GPM6B: variants seen among roughly 807,000 people sequenced by gnomAD.
The protein encoded by GPM6B is neuronal membrane glycoprotein M6-b.
A neutral mutation model predicts 27.2 loss-of-function variants in GPM6B; 4 were observed. That is an observed-to-expected ratio of 0.15 (90% confidence interval 0.07 to 0.34). The LOEUF is 0.34. GPM6B is among the 10% of genes least tolerant of loss of function. The pLI, the probability that GPM6B is intolerant of heterozygous loss-of-function variation, is 1.00. For synonymous variants in GPM6B, 124 were observed against 103.1 expected (o/e 1.20, Z -1.23); for missense variants, 183 against 261.9 (o/e 0.70, Z 2.08).
At chrX:13,894,037 C>T (rs906241164) in intron 1 of GPM6B, among the ~76,000 whole-genome samples, 4 of 111,900 alleles carry the variant, frequency 3.6e-5, no homozygotes, top group African/African-American at 1.3e-4. Context: ...AACTTGCTGG[C>T]GCCAGGCCTG....
chrX:13,933,454 C>T (rs1030043415), intron 1 of GPM6B, among the ~76,000 whole-genome samples: 2 of 111,991 alleles, frequency 1.8e-5, no homozygotes, highest in Non-Finnish European at 3.8e-5. Flanking sequence ...GGGTTGTAGG[C>T]TCTTTTGCAA....
At chrX:13,793,186 T>C (rs1198159401) in intron 2 of GPM6B, among the ~76,000 whole-genome samples, 1 of 111,347 alleles carries the variant, frequency 9.0e-6, no homozygotes, top group East Asian at 2.8e-4. Context: ...GATAAAACTT[T>C]GCTCTCCACA....
chrX:13,812,438 C>CG (rs1298593321), intron 1 of GPM6B, among the ~76,000 whole-genome samples: 2 of 111,684 alleles, frequency 1.8e-5, no homozygotes, highest in Non-Finnish European at 3.8e-5. Context: ...TAAAAACAGT[C>CG]GGTGTGGTCA....
At position 13,862,083 on chromosome X, in the gene GPM6B, T is replaced by C. The variant is rs1026732910; in HGVS notation, c.-198+76244A>G. Among the ~76,000 whole-genome samples the C allele has an allele frequency of 3.6e-5, 4 of 110,797 alleles. No individual in the cohort carries two copies. The South Asian group carries it at 1.2e-3, about 32-fold the overall frequency. ...TGCGTGGGTGGGGGTGCAGGGGGTG[T>C]AGTGACAGGGTCATGGATTAAGTTC... On this transcript the variant is annotated intron_variant, in intron 1 of 6. Coordinates refer to the GPM6B transcript ENST00000398361.
Position 13,772,548 on chromosome X carries a change from A to G in GPM6B, c.*333T>C, listed in dbSNP as rs189976990. The G allele has an allele frequency of 4.2e-5, 8 of 190,315 alleles. No individual in the cohort carries two copies. The highest frequency in any genetic ancestry group is 4.0e-4 in the Admixed American group (6 of 15,018). 15.7% of individuals were successfully genotyped at this position (190,315 alleles called of 1,213,427 possible). On this transcript the variant is annotated 3_prime_UTR_variant, in exon 8 of 8. Coordinates refer to ENST00000316715, the MANE Select transcript of GPM6B (RefSeq NM_001001995.3). ...CCTTATTAAGGAGTCACAGGTCCCT[A>G]TTAAGGAGTGTGACATATTCCATTG...
intron 5 of GPM6B, 53 bp downstream of exon 5, chrX:13,779,765 T>A (rs1437819996): frequency 3.0e-6 from 3 of 1,000,550 alleles, no homozygotes; most frequent in Middle Eastern, 2.8e-4. Context: ...TCCAGACATA[T>A]GCACGAGAGG....
At chrX:13,854,754 A>G (rs755489936) in intron 1 of GPM6B, among the ~76,000 whole-genome samples, 1 of 112,158 alleles carries the variant, frequency 8.9e-6, no homozygotes, top group South Asian at 3.7e-4. Context: ...TTGAAACATC[A>G]CTATGTACTC....
intron 1 of GPM6B, among the ~76,000 whole-genome samples, chrX:13,935,771 C>CTG (rs1178428163): frequency 4.5e-5 from 5 of 112,218 alleles, no homozygotes; most frequent in African/African-American, 9.7e-5. Flanking sequence ...TGTCTGTGTG[C>CTG]TGTGTGTGTG....
chrX:13,917,105 G>A (rs935380465), intron 1 of GPM6B, among the ~76,000 whole-genome samples: 1 of 111,011 alleles, frequency 9.0e-6, no homozygotes, highest in Non-Finnish European at 1.9e-5. Flanking sequence ...CCAGCTACTT[G>A]GGAGGCTGAG....
intron 1 of GPM6B, among the ~76,000 whole-genome samples, chrX:13,859,278 T>C (rs2049816040): frequency 8.9e-6 from 1 of 112,153 alleles, no homozygotes; most frequent in Non-Finnish European, 1.9e-5. Flanking sequence ...TGATCTACTT[T>C]TTGTTGCCAC....
intron 1 of GPM6B, among the ~76,000 whole-genome samples, chrX:13,921,579 C>CA (rs1391298469): frequency 5.0e-4 from 30 of 59,923 alleles, no homozygotes; most frequent in African/African-American, 1.5e-3. Flanking sequence ...ATAACCCCCC[C>CA]CCTTTTTTTT....
Position 13,825,390 on chromosome X carries a change from A to G in GPM6B, c.-197-39582T>C, listed in dbSNP as rs973169728. ...ACAGGAGTGGGTGGGATGCCAAGGC[A>G]GAAGGTACAGAGGAGAAAACCTTTC... is the stretch of plus-strand genomic sequence containing the variant. On this transcript the variant is annotated intron_variant, in intron 1 of 6. Coordinates refer to the GPM6B transcript ENST00000398361. Among the ~76,000 whole-genome samples, 6 of 112,340 alleles carry G rather than the reference A, an allele frequency of 5.3e-5. No homozygotes were observed. The South Asian group carries it at 2.2e-3, about 42-fold the overall frequency.
chrX:13,927,817 G>C (rs1921286134), intron 1 of GPM6B, among the ~76,000 whole-genome samples: 2 of 111,874 alleles, frequency 1.8e-5, no homozygotes, highest in Non-Finnish European at 3.8e-5. Flanking sequence ...GGGGATAATG[G>C]GGACACTTTA....
intron 1 of GPM6B, among the ~76,000 whole-genome samples, chrX:13,835,912 T>C (rs921917416): frequency 4.4e-5 from 5 of 112,386 alleles, no homozygotes; most frequent in African/African-American, 1.3e-4. Context: ...CCATCAGTGC[T>C]AGATGTGAAA....
chrX:13,821,756 T>C (rs967607275), upstream of GPM6B, among the ~76,000 whole-genome samples: 6 of 110,419 alleles, frequency 5.4e-5, no homozygotes, highest in Non-Finnish European at 3.8e-5. Context: ...ACCACCACCC[T>C]GGCTAATTTT....
At chrX:13,879,793 C>T (rs1056067799) in intron 1 of GPM6B, among the ~76,000 whole-genome samples, 1 of 112,168 alleles carries the variant, frequency 8.9e-6, no homozygotes, top group African/African-American at 3.2e-5. Context: ...AGCTGGAGGG[C>T]TTGTTAAAAC....
chrX:13,880,480 C>G (rs2050083702), intron 1 of GPM6B, among the ~76,000 whole-genome samples: 2 of 109,131 alleles, frequency 1.8e-5, no homozygotes, highest in African/African-American at 3.4e-5. Flanking sequence ...TTGAGACCAT[C>G]CCTGGCTAAC....
chrX:13,807,579 A>G (rs1004019316), intron 2 of GPM6B, 71 bp downstream of exon 2: 8 of 854,985 alleles, frequency 9.4e-6, no homozygotes, highest in Non-Finnish European at 1.3e-5. Flanking sequence ...CCAAGCTGCA[A>G]GAGCCATTAC....
At chrX:13,910,630 A>G (rs1331143087) in intron 1 of GPM6B, among the ~76,000 whole-genome samples, 3 of 113,164 alleles carry the variant, frequency 2.7e-5, no homozygotes, top group East Asian at 5.5e-4. Flanking sequence ...GAACACAAAT[A>G]ACAGTGAAGG....
Sources: gnomAD v4.1 joint callset for allele counts (sites outside exome capture counted in the v4.1 genomes callset) on GRCh38, gnomAD v4.1.1 for gene constraint, MANE v1.5 for transcripts, NCBI Gene and HGNC (gene_info 2026-07-23, HGNC 2026-07-21) for gene names.